The following KIAA1217 variants were observed in gnomAD, a reference collection of about 807,000 sequenced individuals.
KIAA1217 encodes sickle tail protein homolog.
KIAA1217 carries 88 observed loss-of-function variants against 163.9 expected under a neutral mutation model. The observed-to-expected ratio is 0.54, with a 90% CI of 0.45 to 0.64. The LOEUF (loss-of-function observed/expected upper bound fraction) is 0.64, where lower values mean the gene tolerates loss of function less well. Among genes scored for constraint, KIAA1217 ranks in the 30% least tolerant of loss-of-function variants. KIAA1217 has a pLI of 0.00. For synonymous variants in KIAA1217, 903 were observed against 923.1 expected (o/e 0.98, Z 0.39); for missense variants, 2,372 against 2,475.0 (o/e 0.96, Z 0.88).
chr10:23,930,127 T>C (rs1271020281), intron 1 of KIAA1217, among the ~76,000 whole-genome samples: 1 of 152,186 alleles, frequency 6.6e-6, no homozygotes, highest in Non-Finnish European at 1.5e-5. Context: ...TTTGCATTGT[T>C]CTGATGATGA....
chr10:23,868,902 T>C (rs968018405), intron 1 of KIAA1217, among the ~76,000 whole-genome samples: 2 of 152,142 alleles, frequency 1.3e-5, no homozygotes, highest in African/African-American at 4.8e-5. Flanking sequence ...TTTATAAAAA[T>C]AGACCTGTTC....
Position 24,125,697 on chromosome 10 carries a change from T to G in KIAA1217, c.-170-93929T>G, listed in dbSNP as rs377707080. On this transcript the variant is annotated intron_variant, in intron 2 of 18. Coordinates refer to the KIAA1217 transcript ENST00000376462. ...TAGTCATTTCTGGTTTCCCTTTCTC[T>G]CTATTTCTAACAGTGAAAATTGAGT... 6.0e-4 allele frequency among the ~76,000 whole-genome samples: 92 copies of G among 152,250 alleles called. 1 individual carries two copies. The highest frequency in any genetic ancestry group is 2.1e-3 in the African/African-American group (88 of 41,576).
intron 2 of KIAA1217, among the ~76,000 whole-genome samples, chr10:24,176,055 C>T (rs1302240849): frequency 6.6e-6 from 1 of 152,226 alleles, no homozygotes; most frequent in Non-Finnish European, 1.5e-5. Flanking sequence ...CCTTATCTGG[C>T]CCCACCCACA....
At chr10:24,501,268 A>G in intron 8 of KIAA1217, 111 bp from the exon 9 acceptor site, 1 of 883,900 alleles carries the variant, frequency 1.1e-6, no homozygotes, top group Non-Finnish European at 1.7e-6. Flanking sequence ...ATTTTTTGTA[A>G]TGAGAGAATT....
At position 23,901,935 on chromosome 10, in the gene KIAA1217, G is replaced by GAAAGAAAGA. The variant is rs1264188800; in HGVS notation, c.-320-105282_-320-105274dup. Among the ~76,000 whole-genome samples the GAAAGAAAGA allele has an allele frequency of 1.1e-4, 16 of 142,532 alleles. No individual in the cohort carries two copies. In the East Asian group the frequency reaches 3.0e-3, roughly 27 times the overall value. 93.5% of individuals were successfully genotyped at this position (142,532 alleles called of 152,430 possible). A position where few individuals can be genotyped will look rare whatever the true frequency, so the allele number is the denominator to read the frequency against. On this transcript the variant is annotated intron_variant, in intron 1 of 18. Transcript: ENST00000376462. Reference sequence around the variant, plus strand: ...TCTCAAAAAAAAAAAAAAAAAGGAAGAAAGAAAGAAAAGAAATATTTAAAA... The same window carrying GAAAGAAAGA: ...TCTCAAAAAAAAAAAAAAAAAGGAAGAAAGAAAGAAAAGAAAGAAAAGAAATATTTAAAA...
At chr10:23,790,119 ACATATACACATATG>A (rs1371574984) in intron 1 of KIAA1217, among the ~76,000 whole-genome samples, 1 of 88,724 alleles carries the variant, frequency 1.1e-5, no homozygotes, top group Admixed American at 1.2e-4. Flanking sequence ...ATGCATATAC[ACATATACACATATG>A]CATATACACA....
At chr10:23,807,260 T>A (rs1320960927) in intron 1 of KIAA1217, among the ~76,000 whole-genome samples, 1 of 152,236 alleles carries the variant, frequency 6.6e-6, no homozygotes, top group Non-Finnish European at 1.5e-5. Flanking sequence ...GTGACCTGGA[T>A]TATGTAGTTG....
chr10:24,459,052 C>T (rs999537286), intron 5 of KIAA1217, among the ~76,000 whole-genome samples: 1 of 152,096 alleles, frequency 6.6e-6, no homozygotes, highest in Non-Finnish European at 1.5e-5. Context: ...GGATGTTAGA[C>T]CCAGTAATCT....
chr10:24,400,597 T>G (rs2056409964), intron 3 of KIAA1217, among the ~76,000 whole-genome samples: 1 of 152,136 alleles, frequency 6.6e-6, no homozygotes, highest in Non-Finnish European at 1.5e-5. Flanking sequence ...AATCCAACAA[T>G]GGACCTGGAA....
chr10:23,723,197 C>T (rs1481352390), intron 1 of KIAA1217, among the ~76,000 whole-genome samples: 1 of 152,146 alleles, frequency 6.6e-6, no homozygotes, highest in Non-Finnish European at 1.5e-5. Context: ...ATGCCCCTTC[C>T]TTATGGGTAT....
chr10:24,545,672 A>G (rs1051978428), intron 20 of KIAA1217, 155 bp from the exon 21 acceptor site: 4 of 1,446,874 alleles, frequency 2.8e-6, no homozygotes, highest in Non-Finnish European at 3.6e-6. Flanking sequence ...TACCAGGTCC[A>G]GTAGAGCACA....
At chr10:24,065,088 A>G (rs934345179) in intron 2 of KIAA1217, among the ~76,000 whole-genome samples, 26 of 152,124 alleles carry the variant, frequency 1.7e-4, no homozygotes, top group African/African-American at 6.0e-4. Flanking sequence ...CTTTCAAAAA[A>G]CCAGCTCCTG....
chr10:24,098,272 C>A (rs746648174), intron 2 of KIAA1217, among the ~76,000 whole-genome samples: 9 of 152,108 alleles, frequency 5.9e-5, no homozygotes, highest in Non-Finnish European at 1.3e-4. Flanking sequence ...AGCTGAGATT[C>A]GCACCTAACT....
rs182104321 is a variant in KIAA1217 at position 24,014,007 on chromosome 10, A to G, written c.-171+6633A>G. Among the ~76,000 whole-genome samples, 322 of 152,280 alleles carry G rather than the reference A, an allele frequency of 2.1e-3. 1 individual carries two copies. The highest frequency in any genetic ancestry group is 7.5e-3 in the African/African-American group (310 of 41,572). On this transcript the variant is annotated intron_variant, in intron 2 of 18. Coordinates refer to the KIAA1217 transcript ENST00000376462. ...CACCAAAGTATGGAACAGGAAAATT[A>G]ATGTGTGTACAATGTCATTTGTTAT...
chr10:24,117,782 T>C (rs2063117787), intron 2 of KIAA1217, among the ~76,000 whole-genome samples: 1 of 152,174 alleles, frequency 6.6e-6, no homozygotes, highest in South Asian at 2.1e-4. Context: ...TATGTGTAAT[T>C]TAATGTTCCT....
chr10:23,845,111 C>A (rs915388443), intron 1 of KIAA1217, among the ~76,000 whole-genome samples: 8 of 152,278 alleles, frequency 5.3e-5, no homozygotes, highest in Non-Finnish European at 8.8e-5. Context: ...TATATATGTG[C>A]CACATTTTCT....
chr10:24,313,843 G>A (rs889245100), intron 2 of KIAA1217, among the ~76,000 whole-genome samples: 1 of 113,430 alleles, frequency 8.8e-6, no homozygotes. Flanking sequence ...CCATCTGGTT[G>A]TTTTTTTTTT....
At chr10:23,765,419 C>T (rs1410281627) in intron 1 of KIAA1217, among the ~76,000 whole-genome samples, 3 of 151,872 alleles carry the variant, frequency 2.0e-5, no homozygotes, top group East Asian at 1.9e-4. Context: ...GTGATCCACC[C>T]GCCTCGGCCT....
At chr10:24,114,496 C>T (rs916945601) in intron 2 of KIAA1217, among the ~76,000 whole-genome samples, 16 of 152,164 alleles carry the variant, frequency 1.1e-4, no homozygotes, top group African/African-American at 3.9e-4. Flanking sequence ...CTATACACAG[C>T]ACTCAACAGA....
Sources: allele counts gnomAD v4.1 joint callset (sites outside exome capture counted in the v4.1 genomes callset), GRCh38; gene constraint gnomAD v4.1.1; transcripts MANE v1.5; gene names NCBI Gene and HGNC (gene_info 2026-07-23, HGNC 2026-07-21).